CES4A: variants seen among roughly 807,000 people sequenced by gnomAD.
CES4A encodes the protein carboxylesterase 6.
A neutral mutation model predicts 65.4 loss-of-function variants in CES4A; 48 were observed. That is an observed-to-expected ratio of 0.73 (90% CI 0.58 to 0.93). The LOEUF is 0.93. Among genes scored for constraint, CES4A ranks in the 40% least tolerant of loss-of-function variants. The probability of loss-of-function intolerance (pLI) is 0.00; values close to 1 mark genes in which losing one functional copy is unlikely to be tolerated. For synonymous variants in CES4A, 247 were observed against 281.8 expected (o/e 0.88, Z 1.24); for missense variants, 685 against 728.5 (o/e 0.94, Z 0.69).
At chr16:66,996,194 G>C in intron 2 of CES4A, 1 of 380,958 alleles carries the variant, frequency 2.6e-6, no homozygotes, top group Non-Finnish European at 5.0e-6. Flanking sequence ...GTGCCACCAT[G>C]CACACCTAAT....
chr16:67,005,633 G>T, intron 11 of CES4A: 1 of 451,474 alleles, frequency 2.2e-6, no homozygotes, highest in East Asian at 4.4e-5. Flanking sequence ...GATCATTTGA[G>T]GCCAGGAGTT....
At chr16:66,994,049 C>T (rs907755513) in intron 1 of CES4A, among the ~76,000 whole-genome samples, 2 of 150,836 alleles carry the variant, frequency 1.3e-5, no homozygotes, top group East Asian at 2.0e-4. Flanking sequence ...TGCAGTGAGC[C>T]GAGATCGTGC....
intron 13 of CES4A, chr16:67,008,128 C>T (rs2145676785): frequency 6.6e-6 from 1 of 152,214 alleles, no homozygotes; most frequent in African/African-American, 2.4e-5. Context: ...GCTATTTTGC[C>T]CAGACTGGTC....
intron 2 of CES4A, 29 bp downstream of exon 2, chr16:66,995,858 G>A: frequency 6.3e-7 from 1 of 1,589,416 alleles, no homozygotes; most frequent in Non-Finnish European, 8.6e-7. Flanking sequence ...TCCACTGGGA[G>A]GGGGCAATGG....
intron 1 of CES4A, among the ~76,000 whole-genome samples, chr16:66,992,721 C>T (rs1454241162): frequency 6.6e-6 from 1 of 152,204 alleles, no homozygotes; most frequent in South Asian, 2.1e-4. Context: ...TGCTCTGTTG[C>T]CCAGGCTGGA....
rs757253460 is a variant in CES4A at position 67,001,275 on chromosome 16, C to G, written c.537-33C>G. 2.6e-5 allele frequency: 40 copies of G among 1,559,412 alleles called. No individual in the cohort carries two copies. In the Admixed American group the frequency reaches 7.4e-4, roughly 29 times the overall value. On this transcript the variant is annotated intron_variant, in intron 4 of 13. Coordinates refer to ENST00000648724, the Ensembl canonical transcript of CES4A. This position sits in a 1 kb window ranked among gnomAD's most constrained non-coding sequence, Gnocchi z 4.1. ...CCCAACGCGCCCCGACTGTCGAGGC[C>G]CGGGACCCTGACAGTGAACCCCACA... is the stretch of plus-strand genomic sequence containing the variant.
In CES4A at chr16:66,995,617, T is replaced by G. The variant is rs1310179517; in HGVS notation, c.59-11T>G. The G allele has an allele frequency of 6.2e-7, 1 of 1,613,346 alleles. No homozygotes were observed. ...CTGAGCAGAGGTGACCCTTTTCCCT[T>G]CTCTTCCCAGGTGCCTTGCACACCA... On this transcript the variant is annotated splice_polypyrimidine_tract_variant and intron_variant, in intron 1 of 13. Transcript: ENST00000648724.
chr16:66,995,890 G>T (rs1964809100), intron 2 of CES4A, 61 bp downstream of exon 2: 2 of 1,488,950 alleles, frequency 1.3e-6, no homozygotes, highest in East Asian at 4.5e-5. Flanking sequence ...CATCTGGGTG[G>T]GGCTTTGCAC....
chr16:66,997,804 T>C (rs1964969783), intron 2 of CES4A, among the ~76,000 whole-genome samples: 1 of 152,086 alleles, frequency 6.6e-6, no homozygotes, highest in South Asian at 2.1e-4. Flanking sequence ...ACCCTGTCTC[T>C]ACAAGAAATT....
intron 10 of CES4A, 46 bp downstream of exon 10, chr16:67,004,919 C>T: frequency 6.9e-7 from 1 of 1,450,782 alleles, no homozygotes; most frequent in South Asian, 1.2e-5. Flanking sequence ...ACAGGGTTGA[C>T]CCCCCTGTTT....
At chr16:66,990,558 A>G (rs1188889997) in intron 1 of CES4A, among the ~76,000 whole-genome samples, 5 of 152,108 alleles carry the variant, frequency 3.3e-5, no homozygotes, top group African/African-American at 4.8e-5. Flanking sequence ...TTAGCCAAGC[A>G]TGGTGTGGTG....
At position 67,001,441 on chromosome 16, in the gene CES4A, G is replaced by T. The variant is rs759949481; in HGVS notation, c.670G>T (p.Ala224Ser). 27 of 1,610,170 alleles carry T rather than the reference G, an allele frequency of 1.7e-5. No homozygotes were observed. The highest frequency in any genetic ancestry group is 2.3e-5 in the Non-Finnish European group (27 of 1,177,968). ...GACCCTGTTCGGCCAGTCGGCGGGG[G>T]CCATGAGCATCTCAGGACTGGTGAG... Residue 224 changes from alanine to serine, a missense_variant, in exon 5 of 14, where the codon GCC becomes TCC. Coordinates refer to ENST00000648724, the Ensembl canonical transcript of CES4A. The surrounding 1 kb of genome is among the most constrained non-coding windows in gnomAD (Gnocchi z 4.1).
intron 1 of CES4A, among the ~76,000 whole-genome samples, chr16:66,995,179 G>A (rs565123409): frequency 5.3e-4 from 80 of 151,722 alleles, no homozygotes; most frequent in South Asian, 3.8e-3. Flanking sequence ...GTGTGGTGGC[G>A]GGCGCCTGTG....
chr16:67,009,105 A>C, exon 14 of CES4A: 1 of 1,613,724 alleles, frequency 6.2e-7, no homozygotes, highest in Non-Finnish European at 8.5e-7. Context: ...ATGAGTCTGT[A>C]CCAGTCTCAA....
Position 67,001,537 on chromosome 16 carries a change from G to C in CES4A, c.690+76G>C. The C allele has an allele frequency of 6.8e-7, 1 of 1,463,934 alleles. No homozygotes were observed. Among genetic ancestry groups the C allele is most frequent in the Non-Finnish European group, 9.2e-7 (1 of 1,086,704 alleles). The allele number at this position is 1,463,934 out of a possible 1,614,324, so 90.7% of individuals were successfully genotyped here. ...CCACAAATGTATGCTCCACTGCACA[G>C]GCCATGTGCAGATTTGCGTGTACAG... On this transcript the variant is annotated intron_variant, in intron 5 of 13. Transcript: ENST00000648724. This position sits in a 1 kb window ranked among gnomAD's most constrained non-coding sequence, Gnocchi z 4.1.
At chr16:66,995,800 A>C in exon 2 of CES4A, 1 of 1,614,024 alleles carries the variant, frequency 6.2e-7, no homozygotes, top group South Asian at 1.1e-5. Context: ...CCTGGAAAGG[A>C]ATCAGAGATG....
intron 11 of CES4A, chr16:67,005,617 TG>T: frequency 2.1e-6 from 1 of 485,696 alleles, no homozygotes; most frequent in African/African-American, 2.0e-5. Flanking sequence ...GAAGCCGAAG[TG>T]GGTGGATCAT....
chr16:67,001,546 C>CAGTGG lies in CES4A; in HGVS notation c.690+87_690+88insTGGAG. ...TATGCTCCACTGCACAGGCCATGTG[C>CAGTGG]AGATTTGCGTGTACAGGAACGTGCC... On this transcript the variant is annotated intron_variant, in intron 5 of 13. Coordinates refer to ENST00000648724, the Ensembl canonical transcript of CES4A. The surrounding 1 kb of genome is among the most constrained non-coding windows in gnomAD (Gnocchi z 4.1). 1 of 1,454,728 alleles carries CAGTGG rather than the reference C, an allele frequency of 6.9e-7. No individual in the cohort carries two copies. Among genetic ancestry groups the CAGTGG allele is most frequent in the Non-Finnish European group, 9.2e-7 (1 of 1,081,438 alleles). 90.1% of individuals were successfully genotyped at this position (1,454,728 alleles called of 1,614,324 possible). A position where few individuals can be genotyped will look rare whatever the true frequency, so the allele number is the denominator to read the frequency against.
At chr16:66,988,707 C>T in exon 1 of CES4A, 1 of 1,550,226 alleles carries the variant, frequency 6.5e-7, no homozygotes, top group Non-Finnish European at 8.7e-7. Flanking sequence ...GGCTACCATG[C>T]CATCCACAGT....
Sources: allele counts gnomAD v4.1 joint callset (sites outside exome capture counted in the v4.1 genomes callset), GRCh38; gene constraint gnomAD v4.1.1; non-coding constraint Gnocchi (gnomAD v3.1); transcripts MANE v1.5; gene names NCBI Gene and HGNC (gene_info 2026-07-23, HGNC 2026-07-21).